Variants in TNFRSF11A observed in about 807,000 individuals in gnomAD.
TNFRSF11A encodes the protein tumor necrosis factor receptor superfamily member 11A.
A neutral mutation model predicts 55.7 loss-of-function variants in TNFRSF11A; 32 were observed. The ratio of observed to expected loss-of-function variants is 0.57; its 90% CI spans 0.43 to 0.77. TNFRSF11A has a LOEUF of 0.77. TNFRSF11A is among the 30% of genes least tolerant of loss of function. The pLI is 0.00. For missense variants in TNFRSF11A, 753 were observed against 809.8 expected, an observed-to-expected ratio of 0.93 and a Z score of 0.85; for synonymous variants, 311 against 331.0, an observed-to-expected ratio of 0.94 and a Z score of 0.65.
In TNFRSF11A at chr18:62,384,672, C is replaced by G. The variant is rs1050544597; in HGVS notation, c.1568-79C>G. 1.5e-5 allele frequency: 24 copies of G among 1,548,674 alleles called. No homozygotes were observed. In the Admixed American group the frequency reaches 4.5e-4, roughly 29 times the overall value. ...GAATCCGGGGAGCCGCCCTCCACTC[C>G]CCGGAACCTTCCTCTCGGCAGACCC... On this transcript the variant is annotated intron_variant, in intron 9 of 9. Transcript: ENST00000586569.
chr18:62,341,633 C>T (rs2145266889), intron 1 of TNFRSF11A, among the ~76,000 whole-genome samples: 2 of 152,290 alleles, frequency 1.3e-5, no homozygotes, highest in Middle Eastern at 6.8e-3. Context: ...GATACAATCA[C>T]ATCTCCATTT....
At position 62,384,732 on chromosome 18, in the gene TNFRSF11A, T is replaced by C; in HGVS notation, c.1568-19T>C. 6.2e-7 allele frequency: 1 copy of C among 1,609,240 alleles called. No individual in the cohort carries two copies. The highest frequency in any genetic ancestry group is 8.5e-7 in the Non-Finnish European group (1 of 1,177,714). The stretch of plus-strand genomic sequence containing the variant: ...GCGCTGACTCACCCTCCCCGTGTTC[T>C]CCCTTCCTCTCCCCGCAGGAAATGT... On this transcript the variant is annotated intron_variant, in intron 9 of 9. Coordinates refer to ENST00000586569, the MANE Select transcript of TNFRSF11A (RefSeq NM_003839.4).
At position 62,389,441 on chromosome 18, in the gene TNFRSF11A, A is replaced by G. The variant is rs1031033387; in HGVS notation, c.*4407A>G. Reference sequence around the variant, plus strand: ...GGAGCCGCCCTGGACCAACACCCCCATGGCTGCCCCACTGCGGAACTGCCT... The same window carrying G: ...GGAGCCGCCCTGGACCAACACCCCCGTGGCTGCCCCACTGCGGAACTGCCT... On this transcript the variant is annotated 3_prime_UTR_variant, in exon 10 of 10. Transcript: ENST00000586569. 2.6e-5 allele frequency: 4 copies of G among 152,340 alleles called. No homozygotes were observed. Among genetic ancestry groups the G allele is most frequent in the Non-Finnish European group, 4.4e-5 (3 of 68,166 alleles). 9.4% of individuals were successfully genotyped at this position (152,340 alleles called of 1,614,324 possible). A position where few individuals can be genotyped will look rare whatever the true frequency, so the allele number is the denominator to read the frequency against.
intron 9 of TNFRSF11A, 94 bp from the exon 10 acceptor site, chr18:62,384,657 A>C: frequency 6.8e-7 from 1 of 1,470,568 alleles, no homozygotes; most frequent in Non-Finnish European, 9.3e-7. Flanking sequence ...GAATCCGGGG[A>C]GCCGCCCTCC....
At chr18:62,349,709 A>G in intron 2 of TNFRSF11A, 103 bp from the exon 3 acceptor site, 1 of 1,342,826 alleles carries the variant, frequency 7.4e-7, no homozygotes, top group East Asian at 2.3e-5. Flanking sequence ...ACCAATGATT[A>G]TTGGTCCCAT....
intron 9 of TNFRSF11A, among the ~76,000 whole-genome samples, chr18:62,381,243 T>C (rs552860329): frequency 3.9e-5 from 6 of 152,314 alleles, no homozygotes; most frequent in African/African-American, 1.4e-4. Flanking sequence ...AATATTTAGG[T>C]TATCAGTATC....
chr18:62,381,480 AGAGAT>A (rs1055238594), intron 9 of TNFRSF11A, among the ~76,000 whole-genome samples: 9 of 152,368 alleles, frequency 5.9e-5, no homozygotes, highest in African/African-American at 2.2e-4. Flanking sequence ...AGGATAAAGA[AGAGAT>A]GAGAACGAAT....
chr18:62,368,901 A>G lies in TNFRSF11A; in HGVS notation c.984A>G (p.Ser328=). ...YAQGEDARML[S]LVSKTEIEED... ...AAGGCGAAGATGCCAGGATGCTCTC[A>G]TTGGTCAGCAAGACCGAGATAGAGG... Residue 328 remains serine, a synonymous_variant, in exon 9 of 10, where the codon TCA becomes TCG. Transcript: ENST00000586569. 3 of 1,614,270 alleles carry G rather than the reference A, an allele frequency of 1.9e-6. No homozygotes were observed. The highest frequency in any genetic ancestry group is 2.5e-6 in the Non-Finnish European group (3 of 1,180,050).
chr18:62,364,057 AGAGGGAAGCT>A (rs1909894446), intron 7 of TNFRSF11A, among the ~76,000 whole-genome samples: 1 of 152,216 alleles, frequency 6.6e-6, no homozygotes, highest in Admixed American at 6.5e-5. Context: ...TTAAGCCCAC[AGAGGGAAGCT>A]GAGTATGCAA....
intron 1 of TNFRSF11A, among the ~76,000 whole-genome samples, chr18:62,334,408 G>A (rs917542100): frequency 2.6e-5 from 4 of 152,084 alleles, no homozygotes; most frequent in Non-Finnish European, 5.9e-5. Context: ...TGGGTGTACC[G>A]CCTCAGAGGG....
chr18:62,340,473 G>A (rs2046296147), intron 1 of TNFRSF11A, among the ~76,000 whole-genome samples: 1 of 151,174 alleles, frequency 6.6e-6, no homozygotes, highest in Non-Finnish European at 1.5e-5. Flanking sequence ...GGGGTTACAG[G>A]CGTGAGTCAC....
intron 3 of TNFRSF11A, among the ~76,000 whole-genome samples, chr18:62,350,743 C>T (rs747487798): frequency 6.6e-6 from 1 of 152,152 alleles, no homozygotes; most frequent in Admixed American, 6.5e-5. Context: ...ATCTCCTTAC[C>T]AGACTGTCTT....
At chr18:62,333,129 A>G (rs1264529078) in intron 1 of TNFRSF11A, among the ~76,000 whole-genome samples, 1 of 152,186 alleles carries the variant, frequency 6.6e-6, no homozygotes, top group Non-Finnish European at 1.5e-5. Context: ...GACTGATGAC[A>G]GGTACCGGGG....
chr18:62,333,875 T>A (rs1338965922), intron 1 of TNFRSF11A, among the ~76,000 whole-genome samples: 2 of 151,714 alleles, frequency 1.3e-5, no homozygotes, highest in African/African-American at 4.8e-5. Flanking sequence ...TAGAACTTTT[T>A]TTTTTTTGAG....
At chr18:62,342,975 G>A (rs1006942437) in intron 1 of TNFRSF11A, among the ~76,000 whole-genome samples, 1 of 152,172 alleles carries the variant, frequency 6.6e-6, no homozygotes, top group Non-Finnish European at 1.5e-5. Context: ...CTCTTTTAGT[G>A]TTTTGGGTAC....
chr18:62,374,534 C>A (rs1180360463), intron 9 of TNFRSF11A, among the ~76,000 whole-genome samples: 2 of 152,172 alleles, frequency 1.3e-5, no homozygotes, highest in East Asian at 1.9e-4. Context: ...GGAAGAAAAT[C>A]TACATTACAA....
At chr18:62,338,582 G>A (rs1296556904) in intron 1 of TNFRSF11A, among the ~76,000 whole-genome samples, 1 of 152,202 alleles carries the variant, frequency 6.6e-6, no homozygotes, top group Non-Finnish European at 1.5e-5. Flanking sequence ...GAAAAATACT[G>A]TGTGGTTCCA....
chr18:62,348,232 G>GT lies in TNFRSF11A; in HGVS notation c.141dup (p.Asn48Ter). 1 of 1,614,138 alleles carries GT rather than the reference G, an allele frequency of 6.2e-7. No homozygotes were observed. The highest frequency in any genetic ancestry group is 8.5e-7 in the Non-Finnish European group (1 of 1,180,016). ...CATTATGAGCATCTGGGACGGTGCT[G>GT]TAACAAATGTGAACCAGGTACACCT... On this transcript the variant is annotated frameshift_variant, in exon 2 of 10. Transcript: ENST00000586569. LOFTEE classifies it high-confidence loss of function.
chr18:62,368,109 G>T (rs560085892), intron 8 of TNFRSF11A, among the ~76,000 whole-genome samples: 1 of 152,142 alleles, frequency 6.6e-6, no homozygotes, highest in South Asian at 2.1e-4. Flanking sequence ...TACTTTCTTT[G>T]ATATAAAATG....
Sources: gnomAD v4.1 joint callset for allele counts (sites outside exome capture counted in the v4.1 genomes callset) on GRCh38, gnomAD v4.1.1 for gene constraint, MANE v1.5 for transcripts, NCBI Gene and HGNC (gene_info 2026-07-23, HGNC 2026-07-21) for gene names.